KCNIP4: variants seen among roughly 807,000 people sequenced by gnomAD.
KCNIP4 encodes potassium voltage-gated channel interacting protein 4.
A neutral mutation model predicts 34.0 loss-of-function variants in KCNIP4; 12 were observed. The observed-to-expected ratio is 0.35, with a 90% CI of 0.23 to 0.57. The LOEUF is 0.57. KCNIP4 is among the 20% of genes least tolerant of loss of function. The probability of loss-of-function intolerance (pLI) is 0.83; values close to 1 mark genes in which losing one functional copy is unlikely to be tolerated. For synonymous variants in KCNIP4, 124 were observed against 102.2 expected, an observed-to-expected ratio of 1.21 and a Z score of -1.29; for missense variants, 238 against 311.7, an observed-to-expected ratio of 0.76 and a Z score of 1.78.
At chr4:20,818,708 A>G (rs1226135989) in intron 3 of KCNIP4, among the ~76,000 whole-genome samples, 1 of 152,154 alleles carries the variant, frequency 6.6e-6, no homozygotes, top group Non-Finnish European at 1.5e-5. Flanking sequence ...GCTTGAGTTC[A>G]GCCATTGGGA....
chr4:20,733,473 A>G (rs1748842011), intron 6 of KCNIP4, among the ~76,000 whole-genome samples: 1 of 152,132 alleles, frequency 6.6e-6, no homozygotes, highest in South Asian at 2.1e-4. Flanking sequence ...AAGATCTCTC[A>G]ATTAGGTTAA....
chr4:21,090,676 C>G (rs573643061), intron 1 of KCNIP4, among the ~76,000 whole-genome samples: 1 of 151,872 alleles, frequency 6.6e-6, no homozygotes, highest in Non-Finnish European at 1.5e-5. Flanking sequence ...TTTTGTTTTT[C>G]CAATAAAAAG....
At chr4:21,375,862 T>C (rs1305591110) in intron 1 of KCNIP4, among the ~76,000 whole-genome samples, 1 of 152,128 alleles carries the variant, frequency 6.6e-6, no homozygotes, top group Non-Finnish European at 1.5e-5. Flanking sequence ...CCACCGTGCC[T>C]GGCCTGGCCA....
chr4:20,912,279 T>C (rs994303743), intron 1 of KCNIP4, among the ~76,000 whole-genome samples: 37 of 152,284 alleles, frequency 2.4e-4, no homozygotes, highest in Middle Eastern at 3.4e-3. Flanking sequence ...TGATCTTGTA[T>C]GTAGAAAATC....
chr4:21,586,787 C>T (rs1010317475), intron 1 of KCNIP4, among the ~76,000 whole-genome samples: 1 of 151,940 alleles, frequency 6.6e-6, no homozygotes, highest in Non-Finnish European at 1.5e-5. Flanking sequence ...TAAAATAACC[C>T]CTGGATTCTT....
chr4:21,046,578 A>AATTTATTTATTT (rs150325780), intron 1 of KCNIP4, among the ~76,000 whole-genome samples: 1,300 of 117,968 alleles, frequency 0.011, 14 homozygotes, highest in African/African-American at 0.03. Flanking sequence ...GTTACTAGCT[A>AATTTATTTATTT]ATTTATTTAT....
chr4:21,426,689 T>C (rs554947976), intron 1 of KCNIP4, among the ~76,000 whole-genome samples: 9 of 152,230 alleles, frequency 5.9e-5, no homozygotes, highest in Admixed American at 5.2e-4. Context: ...AGAGTTAGCA[T>C]TTATTTATTT....
At position 21,505,997 on chromosome 4, in the gene KCNIP4, G is replaced by A. The variant is rs1251623968; in HGVS notation, c.61+442574C>T. ...AGGCACCTGTAATCCCAGCTACTCC[G>A]GAGGCTGAGGCAGGAGAATCAATTG... is the stretch of plus-strand genomic sequence containing the variant. On this transcript the variant is annotated intron_variant, in intron 1 of 8. Transcript: ENST00000382152. Among the ~76,000 whole-genome samples, 9 of 152,112 alleles carry A rather than the reference G, an allele frequency of 5.9e-5. No homozygotes were observed. In the East Asian group the frequency reaches 1.4e-3, roughly 23 times the overall value.
intron 1 of KCNIP4, among the ~76,000 whole-genome samples, chr4:21,142,326 G>GT (rs1752030564): frequency 6.6e-6 from 1 of 152,160 alleles, no homozygotes; most frequent in African/African-American, 2.4e-5. Context: ...CTTAGGCCAC[G>GT]TAAGATTCCA....
At chr4:21,926,928 G>A (rs1182095169) in intron 1 of KCNIP4, among the ~76,000 whole-genome samples, 1 of 152,166 alleles carries the variant, frequency 6.6e-6, no homozygotes, top group Non-Finnish European at 1.5e-5. Flanking sequence ...AAACCTGGCT[G>A]AAAACAAACA....
chr4:21,567,179 C>T (rs904367809), intron 1 of KCNIP4, among the ~76,000 whole-genome samples: 1 of 151,994 alleles, frequency 6.6e-6, no homozygotes, highest in African/African-American at 2.4e-5. Flanking sequence ...AAGAACAAAT[C>T]CACAATTTTA....
chr4:21,169,462 A>G (rs1753854200), intron 1 of KCNIP4, among the ~76,000 whole-genome samples: 3 of 152,036 alleles, frequency 2.0e-5, no homozygotes. Flanking sequence ...GGCTGAATTA[A>G]AACTCTAGAG....
At position 21,715,066 on chromosome 4, in the gene KCNIP4, T is replaced by G. The variant is rs377718654; in HGVS notation, c.61+233505A>C. On this transcript the variant is annotated intron_variant, in intron 1 of 8. Coordinates refer to ENST00000382152, the MANE Select transcript of KCNIP4 (RefSeq NM_025221.6). ...TTTATTTTATTTTATTTTATTTTATTTTATTTTATTTTATTTTATTTTATT... is the reference window on the plus strand; with the variant it reads ...TTTATTTTATTTTATTTTATTTTATGTTATTTTATTTTATTTTATTTTATT... Among the ~76,000 whole-genome samples the G allele has an allele frequency of 7.5e-5, 5 of 66,254 alleles. 2 individuals carry two copies. The highest frequency in any genetic ancestry group is 2.8e-4 in the African/African-American group (2 of 7,072). The allele number at this position is 66,254 out of a possible 152,430, so 43.5% of individuals were successfully genotyped here. A position where few individuals can be genotyped will look rare whatever the true frequency, so the allele number is the denominator to read the frequency against.
intron 1 of KCNIP4, among the ~76,000 whole-genome samples, chr4:21,095,476 T>C (rs1747380074): frequency 6.6e-6 from 1 of 152,220 alleles, no homozygotes; most frequent in African/African-American, 2.4e-5. Context: ...ATCTAAATTA[T>C]TTTTAAAATA....
intron 3 of KCNIP4, among the ~76,000 whole-genome samples, chr4:20,773,210 G>A (rs913353489): frequency 2.6e-5 from 4 of 152,140 alleles, no homozygotes; most frequent in Non-Finnish European, 5.9e-5. Context: ...ACTTCTTCAA[G>A]CTGGATTTTA....
At chr4:21,936,429 T>C (rs185829035) in intron 1 of KCNIP4, among the ~76,000 whole-genome samples, 20 of 152,238 alleles carry the variant, frequency 1.3e-4, no homozygotes, top group Middle Eastern at 6.8e-3. Context: ...CGTGAGTCAA[T>C]TAAACCTCTT....
intron 1 of KCNIP4, among the ~76,000 whole-genome samples, chr4:21,327,250 A>T (rs573902682): frequency 1.1e-4 from 17 of 152,190 alleles, no homozygotes; most frequent in African/African-American, 4.1e-4. Context: ...TGTTGATAAC[A>T]TTCCTCAGCT....
chr4:21,269,493 C>T (rs779136339), intron 1 of KCNIP4, among the ~76,000 whole-genome samples: 53 of 152,188 alleles, frequency 3.5e-4, no homozygotes, highest in Non-Finnish European at 6.5e-4. Flanking sequence ...GCAGCCTCAA[C>T]CTCCTGGGCT....
chr4:21,916,190 A>G (rs1280040487), intron 1 of KCNIP4, among the ~76,000 whole-genome samples: 1 of 152,234 alleles, frequency 6.6e-6, no homozygotes, highest in South Asian at 2.1e-4. Context: ...TATATGTGCC[A>G]CTGGAGTACA....
Sources: gnomAD v4.1 joint callset for allele counts (sites outside exome capture counted in the v4.1 genomes callset) on GRCh38, gnomAD v4.1.1 for gene constraint, MANE v1.5 for transcripts, NCBI Gene and HGNC (gene_info 2026-07-23, HGNC 2026-07-21) for gene names.